The following DAB2IP variants were observed in gnomAD, a reference collection of about 807,000 sequenced individuals.
DAB2IP encodes the protein DAB2 interacting protein.
In DAB2IP, 28 loss-of-function variants were observed where a neutral mutation model predicts 107.2. The observed-to-expected ratio is 0.26, with a 90% CI of 0.19 to 0.36. The LOEUF (loss-of-function observed/expected upper bound fraction) is 0.36, where lower values mean the gene tolerates loss of function less well. Among genes scored for constraint, DAB2IP ranks in the 10% least tolerant of loss-of-function variants. The pLI, the probability that DAB2IP is intolerant of heterozygous loss-of-function variation, is 1.00. For synonymous variants in DAB2IP, 755 were observed against 706.4 expected, an observed-to-expected ratio of 1.07 and a Z score of -1.09; for missense variants, 1,400 against 1,644.7, an observed-to-expected ratio of 0.85 and a Z score of 2.57.
intron 1 of DAB2IP, among the ~76,000 whole-genome samples, chr9:121,666,917 A>ACACACACACACACACACACAC (rs1564143999): frequency 1.9e-5 from 2 of 104,678 alleles, no homozygotes; most frequent in East Asian, 2.5e-4. Flanking sequence ...CACACACACA[A>ACACACACACACACACACACAC]CACTCTTAAA....
intron 3 of DAB2IP, among the ~76,000 whole-genome samples, chr9:121,731,230 G>A (rs1387655045): frequency 1.3e-5 from 2 of 152,174 alleles, no homozygotes; most frequent in Non-Finnish European, 2.9e-5. Context: ...TCACCTGTTT[G>A]GCTCCTGGTG....
At chr9:121,604,788 A>G (rs2118960935) in intron 1 of DAB2IP, among the ~76,000 whole-genome samples, 1 of 152,198 alleles carries the variant, frequency 6.6e-6, no homozygotes, top group Admixed American at 6.5e-5. Context: ...AAATTGCTCT[A>G]GTGAATGCCC....
At chr9:121,650,353 C>T (rs972764583), upstream of DAB2IP, among the ~76,000 whole-genome samples, 4 of 152,314 alleles carry the variant, frequency 2.6e-5, no homozygotes, top group African/African-American at 9.6e-5. Flanking sequence ...ACTAGGGACC[C>T]TCCCCGCTGG....
At chr9:121,714,469 A>G (rs936627920) in intron 3 of DAB2IP, among the ~76,000 whole-genome samples, 4 of 152,332 alleles carry the variant, frequency 2.6e-5, no homozygotes, top group East Asian at 1.9e-4. Context: ...GCAGGCAGCT[A>G]TTGGCGCTGT....
intron 1 of DAB2IP, among the ~76,000 whole-genome samples, chr9:121,629,393 T>C (rs1261500377): frequency 2.0e-5 from 3 of 152,078 alleles, no homozygotes; most frequent in African/African-American, 7.2e-5. Context: ...CCATAGATGA[T>C]GTCCCCAAGC....
At chr9:121,711,468 T>C (rs1257932063) in intron 3 of DAB2IP, among the ~76,000 whole-genome samples, 1 of 152,146 alleles carries the variant, frequency 6.6e-6, no homozygotes, top group East Asian at 1.9e-4. Flanking sequence ...AAGAAGTCAG[T>C]TTTGCTTTGT....
chr9:121,678,733 G>C (rs770806496), exon 2 of DAB2IP: 1 of 1,599,214 alleles, frequency 6.3e-7, no homozygotes, highest in South Asian at 1.1e-5. Context: ...GCCTTTCCGA[G>C]AAGAGCCCCA....
At position 121,772,024 on chromosome 9, in the gene DAB2IP, C is replaced by G. The variant is rs1406432975; in HGVS notation, c.2079-583C>G. 1.3e-5 allele frequency among the ~76,000 whole-genome samples: 2 copies of G among 152,200 alleles called. No individual in the cohort carries two copies. Among genetic ancestry groups the G allele is most frequent in the Non-Finnish European group, 2.9e-5 (2 of 68,030 alleles). On this transcript the variant is annotated intron_variant, in intron 11 of 15. Coordinates refer to ENST00000408936, the Ensembl canonical transcript of DAB2IP. This position sits in a 1 kb window ranked among gnomAD's most constrained non-coding sequence, Gnocchi z 4.7. ...GCCAGGGCAAGTGCAGCCCTCCCAC[C>G]AAGTCATGCTCTCCACAGAGCCTGC...
intron 1 of DAB2IP, among the ~76,000 whole-genome samples, chr9:121,666,177 C>G (rs1833412827): frequency 6.6e-6 from 1 of 152,180 alleles, no homozygotes; most frequent in Admixed American, 6.5e-5. Flanking sequence ...TCACTCCCAC[C>G]TCTGCTTCCA....
rs1830609111 is a variant in DAB2IP, at chr9:121,599,297, G to A, written c.40+32069G>A. ...GGGAGGGGAGGGGGCGTGTGGTCCC[G>A]CCGGCATCTCGGGCCGGCACCAGGC... On this transcript the variant is annotated intron_variant, in intron 1 of 16. Coordinates refer to the DAB2IP transcript ENST00000259371. This position sits in a 1 kb window ranked among gnomAD's most constrained non-coding sequence, Gnocchi z 6.9. Among the ~76,000 whole-genome samples, 1 of 152,090 alleles carries A rather than the reference G, an allele frequency of 6.6e-6. No homozygotes were observed. Among genetic ancestry groups the A allele is most frequent in the African/African-American group, 2.4e-5 (1 of 41,434 alleles).
chr9:121,772,151 A>T lies in DAB2IP; in HGVS notation c.2079-456A>T, dbSNP rs769251910. Reference sequence around the variant, plus strand: ...CAAGAGGAGGTTTCACCGGGCCCCCACTTCAGTTACCAGTCTGATTAGGAA... The same window carrying T: ...CAAGAGGAGGTTTCACCGGGCCCCCTCTTCAGTTACCAGTCTGATTAGGAA... On this transcript the variant is annotated intron_variant, in intron 11 of 15. Coordinates refer to ENST00000408936, the Ensembl canonical transcript of DAB2IP. The surrounding 1 kb of genome is among the most constrained non-coding windows in gnomAD (Gnocchi z 4.7). Among the ~76,000 whole-genome samples the T allele has an allele frequency of 3.9e-5, 6 of 152,120 alleles. No individual in the cohort carries two copies. Among genetic ancestry groups the T allele is most frequent in the South Asian group, 2.1e-4 (1 of 4,832 alleles).
chr9:121,686,134 G>C (rs1031153575), intron 2 of DAB2IP, among the ~76,000 whole-genome samples: 6 of 152,154 alleles, frequency 3.9e-5, no homozygotes, highest in Non-Finnish European at 5.9e-5. Context: ...CATGGGGTTG[G>C]GGGGACAAGC....
At chr9:121,642,062 T>TCTTC (rs1470123600) in intron 1 of DAB2IP, among the ~76,000 whole-genome samples, 1 of 117,974 alleles carries the variant, frequency 8.5e-6, no homozygotes, top group African/African-American at 3.8e-5. Flanking sequence ...TTTCTTTCTT[T>TCTTC]CTTTCTTTCT....
rs1461026703 is a variant in DAB2IP at position 121,651,604 on chromosome 9, G to T, written c.-172G>T. ...GGGGCCGGCTGCTCGGGGAGCGGGA[G>T]GGGGCAGGAGGCGGAGGAGGAGTTT... On this transcript the variant is annotated 5_prime_UTR_variant, in exon 1 of 16. Coordinates refer to ENST00000408936, the Ensembl canonical transcript of DAB2IP. The surrounding 1 kb of genome is among the most constrained non-coding windows in gnomAD (Gnocchi z 5.1). 1.0e-6 allele frequency: 1 copy of T among 1,002,164 alleles called. No homozygotes were observed. Among genetic ancestry groups the T allele is most frequent in the Non-Finnish European group, 1.2e-6 (1 of 831,070 alleles). The allele number at this position is 1,002,164 out of a possible 1,614,324, so 62.1% of individuals were successfully genotyped here.
chr9:121,606,614 C>G (rs79654679), intron 1 of DAB2IP, among the ~76,000 whole-genome samples: 1,904 of 152,196 alleles, frequency 0.013, 22 homozygotes, highest in South Asian at 0.028. Context: ...GAAGGAGGCT[C>G]TCCTTATTGA....
intron 2 of DAB2IP, among the ~76,000 whole-genome samples, chr9:121,694,824 A>G (rs1475726681): frequency 6.6e-6 from 1 of 152,094 alleles, no homozygotes; most frequent in Non-Finnish European, 1.5e-5. Flanking sequence ...CCGTCAGGGA[A>G]TGAGCTGGGG....
chr9:121,737,344 C>T (rs560369401), intron 3 of DAB2IP: 6 of 985,360 alleles, frequency 6.1e-6, no homozygotes, highest in Non-Finnish European at 7.2e-6. Context: ...CTGAAGGACA[C>T]GGAAACCTTT....
Position 121,782,538 on chromosome 9 carries a change from A to G in DAB2IP, c.*40A>G, listed in dbSNP as rs746379929. The G allele has an allele frequency of 1.9e-6, 3 of 1,602,458 alleles. No individual in the cohort carries two copies. The highest frequency in any genetic ancestry group is 2.7e-5 in the African/African-American group (2 of 74,756). On this transcript the variant is annotated 3_prime_UTR_variant, in exon 16 of 16. Transcript: ENST00000408936. The surrounding 1 kb of genome is among the most constrained non-coding windows in gnomAD (Gnocchi z 6.1). The stretch of plus-strand genomic sequence containing the variant: ...GAGGAAGCTACCCAAGGAGAGGGGG[A>G]CTATGGTGGCCAAGGGCAGGGTCTC...
At chr9:121,649,562 G>C (rs1390310177), upstream of DAB2IP, among the ~76,000 whole-genome samples, 1 of 152,202 alleles carries the variant, frequency 6.6e-6, no homozygotes, top group East Asian at 1.9e-4. Context: ...AAATGGGCCA[G>C]ATGAACTCAG....
Sources: gnomAD v4.1 joint callset for allele counts (sites outside exome capture counted in the v4.1 genomes callset) on GRCh38, gnomAD v4.1.1 for gene constraint, Gnocchi (gnomAD v3.1) non-coding constraint, MANE v1.5 for transcripts, NCBI Gene and HGNC (gene_info 2026-07-23, HGNC 2026-07-21) for gene names.